Variants in SPOCK1 observed in about 807,000 individuals in gnomAD.
SPOCK1 encodes the protein SPARC (osteonectin), cwcv and kazal like domains proteoglycan 1, also known as testican-1.
In SPOCK1, 23 loss-of-function variants were observed where a neutral mutation model predicts 55.3. The ratio of observed to expected loss-of-function variants is 0.42; its 90% confidence interval spans 0.30 to 0.59. The LOEUF is 0.59. Among genes scored for constraint, SPOCK1 ranks in the 20% least tolerant of loss-of-function variants. The pLI, the probability that SPOCK1 is intolerant of heterozygous loss-of-function variation, is 0.22. For synonymous variants in SPOCK1, 226 were observed against 221.0 expected (o/e 1.02, Z -0.20); for missense variants, 499 against 552.5 (o/e 0.90, Z 0.97).
chr5:137,160,578 A>ATATATAATCTAT, intron 3 of SPOCK1, among the ~76,000 whole-genome samples: 1 of 47,074 alleles, frequency 2.1e-5, no homozygotes, highest in African/African-American at 7.5e-5. Flanking sequence ...ATATTATATA[A>ATATATAATCTAT]TATATATAAT....
intron 6 of SPOCK1, among the ~76,000 whole-genome samples, chr5:137,031,343 C>G (rs1360107772): frequency 6.6e-6 from 1 of 152,196 alleles, no homozygotes; most frequent in African/African-American, 2.4e-5. Context: ...TTCACCGGCT[C>G]TCATGTTGAA....
intron 4 of SPOCK1, among the ~76,000 whole-genome samples, chr5:137,120,188 A>G (rs1269861119): frequency 1.3e-5 from 2 of 152,138 alleles, no homozygotes; most frequent in African/African-American, 4.8e-5. Flanking sequence ...CCACACATCC[A>G]GGTCAAGACT....
At chr5:137,092,219 A>G (rs1753065110) in intron 5 of SPOCK1, among the ~76,000 whole-genome samples, 1 of 152,264 alleles carries the variant, frequency 6.6e-6, no homozygotes, top group South Asian at 2.1e-4. Context: ...CAGACATTAA[A>G]TAATCTTACA....
At chr5:137,397,680 C>G (rs1751882783) in intron 2 of SPOCK1, among the ~76,000 whole-genome samples, 1 of 152,208 alleles carries the variant, frequency 6.6e-6, no homozygotes, top group South Asian at 2.1e-4. Context: ...AGTTCACTTA[C>G]TAGCTCTTGA....
At chr5:137,007,982 C>T (rs1027022887) in intron 6 of SPOCK1, among the ~76,000 whole-genome samples, 4 of 151,968 alleles carry the variant, frequency 2.6e-5, no homozygotes, top group African/African-American at 9.7e-5. Context: ...AGTTCACGTC[C>T]TTTGCAGGGA....
chr5:137,053,854 C>G (rs983692764), intron 6 of SPOCK1, among the ~76,000 whole-genome samples: 1 of 152,126 alleles, frequency 6.6e-6, no homozygotes, highest in Admixed American at 6.5e-5. Context: ...AATCACAGGG[C>G]CACATCCTCA....
intron 5 of SPOCK1, among the ~76,000 whole-genome samples, chr5:137,108,888 C>T (rs1174536678): frequency 6.6e-6 from 1 of 152,180 alleles, no homozygotes; most frequent in East Asian, 1.9e-4. Flanking sequence ...AGCAGGCAAC[C>T]TTCCCATATC....
At chr5:137,292,779 A>G (rs1433950647) in intron 2 of SPOCK1, among the ~76,000 whole-genome samples, 1 of 152,178 alleles carries the variant, frequency 6.6e-6, no homozygotes, top group African/African-American at 2.4e-5. Context: ...TTCAGATAGG[A>G]AGGGAGTTGG....
At chr5:137,032,660 T>G in intron 6 of SPOCK1, among the ~76,000 whole-genome samples, 1 of 150,602 alleles carries the variant, frequency 6.6e-6, no homozygotes, top group Non-Finnish European at 1.5e-5. Flanking sequence ...AGGAGAAGAG[T>G]TTGCGGAAGG....
intron 2 of SPOCK1, among the ~76,000 whole-genome samples, chr5:137,392,309 C>T (rs376176293): frequency 8.4e-4 from 128 of 152,326 alleles, no homozygotes; most frequent in African/African-American, 3.1e-3. Context: ...CATATCCAAC[C>T]TCAGCAACTT....
chr5:137,359,508 G>A (rs927095126), intron 2 of SPOCK1, among the ~76,000 whole-genome samples: 2 of 152,158 alleles, frequency 1.3e-5, no homozygotes, highest in African/African-American at 4.8e-5. Flanking sequence ...CTACGACAGG[G>A]CAGACAGTAG....
chr5:137,249,073 AAAC>A (rs1421646747), intron 3 of SPOCK1, among the ~76,000 whole-genome samples: 1 of 152,242 alleles, frequency 6.6e-6, no homozygotes, highest in Non-Finnish European at 1.5e-5. Context: ...AGCAAACAGA[AAAC>A]AACAGACAAC....
At chr5:137,422,167 G>A (rs1357480574) in intron 2 of SPOCK1, among the ~76,000 whole-genome samples, 3 of 152,178 alleles carry the variant, frequency 2.0e-5, no homozygotes, top group African/African-American at 7.2e-5. Flanking sequence ...CGAGAGATAC[G>A]CTGTTAGTCT....
intron 4 of SPOCK1, among the ~76,000 whole-genome samples, chr5:137,134,152 C>T (rs1753936239): frequency 6.6e-6 from 1 of 152,202 alleles, no homozygotes; most frequent in African/African-American, 2.4e-5. Context: ...CAGTTATTTA[C>T]ACAACCTCAA....
chr5:137,083,749 C>T (rs181990584), intron 5 of SPOCK1, among the ~76,000 whole-genome samples: 3 of 152,244 alleles, frequency 2.0e-5, no homozygotes, highest in Admixed American at 1.3e-4. Flanking sequence ...ATTTGGGACA[C>T]ACATCGCCCC....
At chr5:137,365,913 T>G (rs372041447) in intron 2 of SPOCK1, among the ~76,000 whole-genome samples, 20 of 152,356 alleles carry the variant, frequency 1.3e-4, no homozygotes, top group African/African-American at 4.6e-4. Context: ...TATTCTGTAG[T>G]ACCGCTTACA....
chr5:137,196,077 T>C (rs891096437), intron 3 of SPOCK1, among the ~76,000 whole-genome samples: 1 of 152,148 alleles, frequency 6.6e-6, no homozygotes, highest in African/African-American at 2.4e-5. Context: ...CTGTGAAGGA[T>C]CTCAAGAAAT....
chr5:137,139,582 A>C (rs541771082), intron 4 of SPOCK1, among the ~76,000 whole-genome samples: 5 of 151,940 alleles, frequency 3.3e-5, no homozygotes, highest in African/African-American at 1.2e-4. Context: ...TTAAGTGGGA[A>C]TCTTTATTTA....
intron 6 of SPOCK1, among the ~76,000 whole-genome samples, chr5:137,066,987 C>CACACAGAGAGAGAGAGAGAG (rs1343691789): frequency 3.5e-4 from 49 of 139,652 alleles, no homozygotes; most frequent in Non-Finnish European, 6.8e-4. Context: ...CACACACACA[C>CACACAGAGAGAGAGAGAGAG]AGAGAGAGAG....
Sources: allele counts gnomAD v4.1 joint callset (sites outside exome capture counted in the v4.1 genomes callset), GRCh38; gene constraint gnomAD v4.1.1; transcripts MANE v1.5; gene names NCBI Gene and HGNC (gene_info 2026-07-23, HGNC 2026-07-21).